RYR2: variants seen among roughly 807,000 people sequenced by gnomAD.
RYR2 encodes the protein cardiac muscle ryanodine receptor-calcium release channel.
Under a neutral mutation model 601.1 loss-of-function variants are expected in RYR2, and 227 were observed. The ratio of observed to expected loss-of-function variants is 0.38; its 90% CI spans 0.34 to 0.42. The LOEUF (loss-of-function observed/expected upper bound fraction) is 0.42. Ranked by LOEUF, RYR2 falls within the 10% of genes least tolerant of loss-of-function variation. RYR2 has a pLI of 1.00. For missense variants in RYR2, 4,646 were observed against 6,156.5 expected (o/e 0.75, Z 8.21); for synonymous variants, 2,223 against 2,175.1 (o/e 1.02, Z -0.61).
intron 1 of RYR2, among the ~76,000 whole-genome samples, chr1:237,149,019 T>A (rs1393690053): frequency 6.6e-6 from 1 of 152,184 alleles, no homozygotes; most frequent in Admixed American, 6.5e-5. Context: ...TCTGAATGAA[T>A]TTTCCTCTTC....
In RYR2 at chr1:237,830,388, G is replaced by A. The variant is rs1011483377; in HGVS notation, c.14656-142G>A. 13 of 593,818 alleles carry A rather than the reference G, an allele frequency of 2.2e-5. 1 individual carries two copies. The highest frequency in any genetic ancestry group is 1.7e-4 in the Admixed American group (7 of 40,876). The allele number at this position is 593,818 out of a possible 1,614,324, so 36.8% of individuals were successfully genotyped here. On this transcript the variant is annotated intron_variant, in intron 102 of 104. Transcript: ENST00000366574. ...TACAGCGACAGTTCCATTTATATTC[G>A]TGGGCTTGGCACAGCCTCCATGTGA... is the stretch of plus-strand genomic sequence containing the variant.
intron 1 of RYR2, among the ~76,000 whole-genome samples, chr1:237,182,747 T>G (rs1678922800): frequency 6.6e-6 from 1 of 152,050 alleles, no homozygotes; most frequent in Non-Finnish European, 1.5e-5. Context: ...GTTTTTCTGG[T>G]TTTGGAGGTT....
intron 2 of RYR2, among the ~76,000 whole-genome samples, chr1:237,316,613 G>A (rs575631606): frequency 2.0e-5 from 3 of 152,282 alleles, no homozygotes; most frequent in South Asian, 4.1e-4. Context: ...CCATCTGTGC[G>A]TTGTTTCAGG....
rs1457556035 is a variant in RYR2 at position 237,831,569 on chromosome 1, G to A, written c.14808+4G>A. 5 of 1,520,360 alleles carry A rather than the reference G, an allele frequency of 3.3e-6. No homozygotes were observed. The Admixed American group carries it at 8.7e-5, about 27-fold the overall frequency. The allele number at this position is 1,520,360 out of a possible 1,614,324, so 94.2% of individuals were successfully genotyped here. Reference sequence around the variant, plus strand: ...TGAAACAGAACACACAGGACAGGTAGGTAAATTATTACATGTCATCTTCTG... The same window carrying A: ...TGAAACAGAACACACAGGACAGGTAAGTAAATTATTACATGTCATCTTCTG... On this transcript the variant is annotated splice_donor_region_variant and intron_variant, in intron 104 of 104. Coordinates refer to ENST00000366574, the MANE Select transcript of RYR2 (RefSeq NM_001035.3).
chr1:237,821,538 A>G (rs1662496568), intron 101 of RYR2, among the ~76,000 whole-genome samples: 1 of 152,160 alleles, frequency 6.6e-6, no homozygotes, highest in Non-Finnish European at 1.5e-5. Context: ...ATCAAAGACT[A>G]AAGGTAGATA....
At chr1:237,739,737 C>T (rs981824156) in intron 79 of RYR2, among the ~76,000 whole-genome samples, 3 of 152,114 alleles carry the variant, frequency 2.0e-5, no homozygotes, top group Non-Finnish European at 1.5e-5. Flanking sequence ...GATTTAAATC[C>T]ACAATGAAAG....
intron 61 of RYR2, 89 bp from the exon 62 acceptor site, chr1:237,680,367 C>T: frequency 9.1e-7 from 1 of 1,096,188 alleles, no homozygotes; most frequent in Non-Finnish European, 1.3e-6. Context: ...TGCATGTGAA[C>T]AGAACTCTGA....
At chr1:237,129,227 C>T (rs1409410945) in intron 1 of RYR2, among the ~76,000 whole-genome samples, 1 of 152,166 alleles carries the variant, frequency 6.6e-6, no homozygotes, top group Non-Finnish European at 1.5e-5. Context: ...TATTTCCACG[C>T]AACAGCTAGA....
At chr1:237,601,044 A>G (rs1676448711) in intron 34 of RYR2, among the ~76,000 whole-genome samples, 1 of 152,202 alleles carries the variant, frequency 6.6e-6, no homozygotes, top group African/African-American at 2.4e-5. Context: ...TCCTCAACAA[A>G]TTAAGAATAG....
At position 237,592,016 on chromosome 1, in the gene RYR2, C is replaced by T. The variant is rs150742797; in HGVS notation, c.4275+163C>T. Reference sequence around the variant, plus strand: ...GGACTGAAAGTTTGAAAAAAGTTTACGTATTATGATGGATATTATGCAATA... The same window carrying T: ...GGACTGAAAGTTTGAAAAAAGTTTATGTATTATGATGGATATTATGCAATA... On this transcript the variant is annotated intron_variant, in intron 32 of 104. Transcript: ENST00000366574. Among the ~76,000 whole-genome samples the T allele has an allele frequency of 3.3e-4, 50 of 152,154 alleles. No individual in the cohort carries two copies. In the East Asian group the frequency reaches 4.2e-3, roughly 13 times the overall value.
intron 48 of RYR2, among the ~76,000 whole-genome samples, chr1:237,645,148 G>A (rs1017424957): frequency 2.6e-5 from 4 of 152,206 alleles, no homozygotes; most frequent in Non-Finnish European, 5.9e-5. Flanking sequence ...AGTCTAGAAT[G>A]AAAGGGGTCA....
intron 2 of RYR2, among the ~76,000 whole-genome samples, chr1:237,326,686 T>A (rs927712999): frequency 6.6e-5 from 10 of 152,216 alleles, no homozygotes; most frequent in Non-Finnish European, 1.2e-4. Flanking sequence ...ATTGAAGTTC[T>A]AAAAATTAAC....
intron 10 of RYR2, among the ~76,000 whole-genome samples, chr1:237,398,847 T>C (rs192495170): frequency 6.6e-6 from 1 of 152,356 alleles, no homozygotes; most frequent in Admixed American, 6.5e-5. Flanking sequence ...AGCTGTGGTA[T>C]GTCCATAGCG....
At position 237,513,404 on chromosome 1, in the gene RYR2, A is replaced by G. The variant is rs561498172; in HGVS notation, c.2822+1613A>G. 2.6e-5 allele frequency among the ~76,000 whole-genome samples: 4 copies of G among 152,334 alleles called. No individual in the cohort carries two copies. The East Asian group carries it at 7.7e-4, about 29-fold the overall frequency. On this transcript the variant is annotated intron_variant, in intron 24 of 104. Transcript: ENST00000366574. The stretch of plus-strand genomic sequence containing the variant: ...TGTTTGTTTCAGTTTTGTTAAGAGT[A>G]GTAAGGAGTTATTTCCACTGAAATT...
chr1:237,494,001 G>A (rs1663739101), intron 19 of RYR2, among the ~76,000 whole-genome samples: 1 of 152,092 alleles, frequency 6.6e-6, no homozygotes, highest in South Asian at 2.1e-4. Context: ...AACTGGAACT[G>A]GAAGTGGAAC....
Position 237,709,075 on chromosome 1 carries a change from G to A in RYR2, c.10119G>A (p.Leu3373=), listed in dbSNP as rs1363597090. The part of the protein sequence containing the change: ...ARDLYAFYPL[L]IRFVDYNRAK... Reference sequence around the variant, plus strand: ...ATCTCTATGCCTTCTACCCTCTCTTGATTAGATTTGTGGACTATAACAGGT... The same window carrying A: ...ATCTCTATGCCTTCTACCCTCTCTTAATTAGATTTGTGGACTATAACAGGT... Residue 3373 remains leucine (L), a synonymous_variant, in exon 69 of 105, where the codon TTG becomes TTA. Coordinates refer to ENST00000366574, the MANE Select transcript of RYR2 (RefSeq NM_001035.3). 3.8e-6 allele frequency: 6 copies of A among 1,590,722 alleles called. No homozygotes were observed. The highest frequency in any genetic ancestry group is 1.4e-5 in the African/African-American group (1 of 73,746).
chr1:237,270,699 T>G, intron 2 of RYR2, 83 bp downstream of exon 2: 1 of 1,410,008 alleles, frequency 7.1e-7, no homozygotes, highest in Non-Finnish European at 9.8e-7. Flanking sequence ...TCTACTATTT[T>G]CTGTGGAATA....
At chr1:237,541,347 CATAATT>C (rs1669237470) in intron 25 of RYR2, among the ~76,000 whole-genome samples, 1 of 152,184 alleles carries the variant, frequency 6.6e-6, no homozygotes, top group Admixed American at 6.5e-5. Flanking sequence ...TTAGGGCAAA[CATAATT>C]ATATCAATAT....
At position 237,293,560 on chromosome 1, in the gene RYR2, TCTGA is replaced by T. The variant is rs367914151; in HGVS notation, c.168+22949_168+22952del. ...TAGTAGATTGTCATCTTTACTTCTG[TCTGA>T]CTGATTTAAATCAGGGGTTCCCATG... On this transcript the variant is annotated intron_variant, in intron 2 of 104. Transcript: ENST00000366574. Among the ~76,000 whole-genome samples the T allele has an allele frequency of 1.1e-4, 17 of 152,266 alleles. No homozygotes were observed. In the East Asian group the frequency reaches 3.3e-3, roughly 29 times the overall value.
Sources: allele counts gnomAD v4.1 joint callset (sites outside exome capture counted in the v4.1 genomes callset), GRCh38; gene constraint gnomAD v4.1.1; transcripts MANE v1.5; gene names NCBI Gene and HGNC (gene_info 2026-07-23, HGNC 2026-07-21).